Variants in EIF3L observed in about 807,000 individuals in gnomAD.
EIF3L encodes eukaryotic translation initiation factor 3 subunit L.
Under a neutral mutation model 74.6 loss-of-function variants are expected in EIF3L, and 32 were observed. The ratio of observed to expected loss-of-function variants is 0.43; its 90% confidence interval spans 0.32 to 0.58. The LOEUF is 0.58. Ranked by LOEUF, EIF3L falls within the 20% of genes least tolerant of loss-of-function variation. EIF3L has a pLI of 0.06. For missense variants in EIF3L, 474 were observed against 707.8 expected, an observed-to-expected ratio of 0.67 and a Z score of 3.75; for synonymous variants, 256 against 254.4, an observed-to-expected ratio of 1.01 and a Z score of -0.06.
rs762298655 is a variant in EIF3L, at chr22:37,877,702, C to A, written c.1106C>A (p.Ala369Glu). The change falls in exon 11 of 13, where the codon GCG becomes GAG. Residue 369 changes from alanine to glutamate, a missense_variant. Physicochemically the swap from Ala to Glu is moderately radical, Grantham distance 107 (BLOSUM62 -1). Coordinates refer to ENST00000652021, the MANE Select transcript of EIF3L (RefSeq NM_016091.4). ...AACAAGCAGAATGAGCAGATGCATG[C>A]GCTGCTGGCCATTGCCCTCACGATG... ...MINKQNEQMH[A>E]LLAIALTMYP... The A allele has an allele frequency of 6.2e-7, 1 of 1,608,660 alleles. No homozygotes were observed. The highest frequency in any genetic ancestry group is 8.5e-7 in the Non-Finnish European group (1 of 1,176,984).
Position 37,858,659 on chromosome 22 carries a change from C to T in EIF3L, c.374-20C>T. On this transcript the variant is annotated intron_variant, in intron 4 of 12. Transcript: ENST00000652021. ...CCCAGTTTTATGGTTAGTGAAGCAC[C>T]CTTCTGCCATCTCTTTCAGATGCTG... 6.2e-7 allele frequency: 1 copy of T among 1,607,836 alleles called. No homozygotes were observed. The highest frequency in any genetic ancestry group is 1.3e-5 in the African/African-American group (1 of 74,670).
In EIF3L at chr22:37,851,423, G is replaced by C; in HGVS notation, c.226G>C (p.Ala76Pro). 6.2e-7 allele frequency: 1 copy of C among 1,614,004 alleles called. No individual in the cohort carries two copies. ...LIDQKVYELQ[A>P]SRVSSDVIDQ... The stretch of plus-strand genomic sequence containing the variant: ...TGACCAGAAAGTGTATGAGCTACAG[G>C]CCAGTCGTGTCTCCAGTGATGTCAT... The change falls in exon 3 of 13, where the codon GCC becomes CCC. Residue 76 changes from alanine (A) to proline (P), a missense_variant. Ala to Pro is a conservative substitution (Grantham distance 27). Coordinates refer to ENST00000652021, the MANE Select transcript of EIF3L (RefSeq NM_016091.4).
intron 5 of EIF3L, among the ~76,000 whole-genome samples, chr22:37,860,332 A>G (rs868319990): frequency 6.6e-6 from 1 of 152,144 alleles, no homozygotes; most frequent in Non-Finnish European, 1.5e-5. Flanking sequence ...TGTCTTCAAC[A>G]TACTTCTTTT....
At position 37,877,844 on chromosome 22, in the gene EIF3L, C is replaced by G; in HGVS notation, c.1248C>G (p.Ser416=). The G allele has an allele frequency of 6.2e-7, 1 of 1,613,858 alleles. No homozygotes were observed. Among genetic ancestry groups the G allele is most frequent in the Non-Finnish European group, 8.5e-7 (1 of 1,179,866 alleles). The change falls in exon 11 of 13, where the codon TCC becomes TCG. Residue 416 remains serine, a synonymous_variant. Transcript: ENST00000652021. ...PQVYEELFSY[S]CPKFLSPVVP... is the part of the protein sequence containing the mutation. ...TCTATGAAGAACTTTTCAGTTACTC[C>G]TGCCCCAAGTTCCTGTCGCCTGTAG...
chr22:37,875,397 A>G (rs1287625763), intron 9 of EIF3L, among the ~76,000 whole-genome samples: 2 of 151,496 alleles, frequency 1.3e-5, no homozygotes, highest in African/African-American at 4.8e-5. Context: ...AAAAGAATTA[A>G]GTAAAGATGT....
intron 5 of EIF3L, among the ~76,000 whole-genome samples, chr22:37,859,192 A>C (rs11913731): frequency 3.3e-5 from 5 of 151,386 alleles, no homozygotes; most frequent in Admixed American, 6.6e-5. Flanking sequence ...CAATCGTGCA[A>C]AGTTGGTACC....
chr22:37,876,044 T>G, intron 10 of EIF3L, 33 bp downstream of exon 10: 1 of 1,600,640 alleles, frequency 6.2e-7, no homozygotes, highest in Middle Eastern at 1.7e-4. Context: ...CCAGTGGCCT[T>G]TCTAATCAGG....
intron 11 of EIF3L, 149 bp downstream of exon 11, chr22:37,878,320 G>T: frequency 1.1e-6 from 1 of 917,840 alleles, no homozygotes; most frequent in Non-Finnish European, 1.5e-6. Flanking sequence ...GCTCATGCCA[G>T]TAATACTAGT....
intron 4 of EIF3L, among the ~76,000 whole-genome samples, chr22:37,856,725 T>C (rs991529777): frequency 1.3e-5 from 2 of 151,678 alleles, no homozygotes; most frequent in African/African-American, 4.9e-5. Flanking sequence ...ATGCCTGTAA[T>C]CCCAGCTACT....
chr22:37,886,425 C>T lies in EIF3L; in HGVS notation c.1576-340C>T, dbSNP rs1314259206. ...CTCTACTAAAAATACAAAAATTAGC[C>T]AGGCAAGATGGCGGGAGCCTGTAAT... On this transcript the variant is annotated intron_variant, in intron 11 of 12. Transcript: ENST00000652021. 8 of 168,278 alleles carry T rather than the reference C, an allele frequency of 4.8e-5. No homozygotes were observed. The South Asian group carries it at 8.8e-4, about 19-fold the overall frequency. 10.4% of individuals were successfully genotyped at this position (168,278 alleles called of 1,614,324 possible). A position where few individuals can be genotyped will look rare whatever the true frequency, so the allele number is the denominator to read the frequency against.
chr22:37,876,488 A>G (rs1310515073), intron 10 of EIF3L: 1 of 152,090 alleles, frequency 6.6e-6, no homozygotes, highest in Non-Finnish European at 1.5e-5. Context: ...TTTAGTAGAG[A>G]TGGGGTTTCA....
intron 3 of EIF3L, among the ~76,000 whole-genome samples, chr22:37,853,902 A>G (rs1346467143): frequency 6.6e-6 from 1 of 152,250 alleles, no homozygotes; most frequent in East Asian, 1.9e-4. Flanking sequence ...TAGACCTAAA[A>G]GTTTTCCAAT....
At position 37,851,295 on chromosome 22, in the gene EIF3L, A is replaced by T. The variant is rs754895073; in HGVS notation, c.98A>T (p.Asp33Val). The T allele has an allele frequency of 4.3e-6, 7 of 1,613,984 alleles. No homozygotes were observed. Among genetic ancestry groups the T allele is most frequent in the Non-Finnish European group, 5.9e-6 (7 of 1,179,962 alleles). Residue 33 changes from aspartate (D) to valine (V), a missense_variant, in exon 3 of 13, where the codon GAC (aspartate) becomes GTC (valine). This residue lies in a region of EIF3L where 141 missense variants were observed against 197.7 expected (regional missense o/e 0.71). Transcript: ENST00000652021. The part of the protein sequence containing the change: ...YDMHTGDPKQ[D>V]LAYERQYEQQ... ...CAACCTCCAGGAGATCCAAAGCAGGACCTTGCTTATGAACGTCAGTATGAA... is the reference window on the plus strand; with the variant it reads ...CAACCTCCAGGAGATCCAAAGCAGGTCCTTGCTTATGAACGTCAGTATGAA...
Position 37,862,950 on chromosome 22 carries a change from T to C in EIF3L, c.436-19T>C, listed in dbSNP as rs1414898640. On this transcript the variant is annotated intron_variant, in intron 5 of 12. Coordinates refer to ENST00000652021, the MANE Select transcript of EIF3L (RefSeq NM_016091.4). The stretch of plus-strand genomic sequence containing the variant: ...AAAATTAAATATCTGTATCTTGATA[T>C]CTCTTGTTTTCTTTACAGGGGGGAC... 5 of 1,578,616 alleles carry C rather than the reference T, an allele frequency of 3.2e-6. No homozygotes were observed. The highest frequency in any genetic ancestry group is 3.5e-6 in the Non-Finnish European group (4 of 1,153,918).
At chr22:37,878,244 G>T in intron 11 of EIF3L, 73 bp downstream of exon 11, 2 of 1,504,668 alleles carry the variant, frequency 1.3e-6, no homozygotes, top group Non-Finnish European at 1.8e-6. Context: ...GTGGGCACAT[G>T]AAGTATATCG....
At chr22:37,862,045 A>C (rs1051185702) in intron 5 of EIF3L, among the ~76,000 whole-genome samples, 2 of 152,230 alleles carry the variant, frequency 1.3e-5, no homozygotes, top group African/African-American at 4.8e-5. Context: ...CATGTTGCCC[A>C]GCCTGTTCTC....
At chr22:37,885,085 A>C (rs1340213988) in intron 11 of EIF3L, 1 of 151,514 alleles carries the variant, frequency 6.6e-6, no homozygotes, top group East Asian at 1.9e-4. Context: ...CATCTTGCTA[A>C]TTTTTGTATT....
intron 7 of EIF3L, among the ~76,000 whole-genome samples, chr22:37,867,895 C>T (rs1926238935): frequency 7.0e-6 from 1 of 143,058 alleles, no homozygotes; most frequent in African/African-American, 2.6e-5. Flanking sequence ...GCGGAGCTTG[C>T]AGAGAGCCGA....
chr22:37,861,840 C>G (rs1202808420), intron 5 of EIF3L, among the ~76,000 whole-genome samples: 3 of 152,166 alleles, frequency 2.0e-5, no homozygotes, highest in Non-Finnish European at 4.4e-5. Context: ...CACCTCTAAT[C>G]TCTCTGTTTG....
Sources: gnomAD v4.1 joint callset for allele counts (sites outside exome capture counted in the v4.1 genomes callset) on GRCh38, gnomAD v4.1.1 for gene constraint, gnomAD v4.1.1 regional missense constraint, MANE v1.5 for transcripts, NCBI Gene and HGNC (gene_info 2026-07-23, HGNC 2026-07-21) for gene names.